Variants in CYP1B1 observed in about 807,000 individuals in gnomAD.
CYP1B1 encodes cytochrome P450 family 1 subfamily B member 1.
In CYP1B1, 22 loss-of-function variants were observed where a neutral mutation model predicts 29.9. The observed-to-expected ratio is 0.74, with a 90% confidence interval of 0.53 to 1.05. CYP1B1 has a LOEUF of 1.05. Ranked by LOEUF, CYP1B1 falls within the 50% of genes least tolerant of loss-of-function variation. The pLI, the probability that CYP1B1 is intolerant of heterozygous loss-of-function variation, is 0.00. For synonymous variants in CYP1B1, 375 were observed against 320.0 expected, an observed-to-expected ratio of 1.17 and a Z score of -1.83; for missense variants, 883 against 746.9, an observed-to-expected ratio of 1.18 and a Z score of -2.12.
intron 2 of CYP1B1, 165 bp downstream of exon 2, chr2:38,074,181 C>A (rs936679466): frequency 1.3e-5 from 10 of 755,888 alleles, no homozygotes; most frequent in Non-Finnish European, 1.9e-5. Flanking sequence ...CGTGTCGCAG[C>A]CCTCACTGTG....
At position 38,075,030 on chromosome 2, in the gene CYP1B1, A is replaced by G; in HGVS notation, c.359T>C (p.Phe120Ser). The change falls in exon 2 of 3, where the codon TTC (phenylalanine) becomes TCC (serine). Residue 120 changes from phenylalanine to serine, a missense_variant. Physicochemically the swap from Phe to Ser is radical, Grantham distance 155 (BLOSUM62 -2). Transcript: ENST00000610745. ...GCCGGACACCACACGGAAGGAGGCG[A>G]AGGCCGGCCGGTCGGCGAAGGCCGA... is the stretch of plus-strand genomic sequence containing the variant. ...QGSAFADRPA[F>S]ASFRVVSGGR... is the part of the protein sequence containing the mutation. 6.3e-7 allele frequency: 1 copy of G among 1,591,344 alleles called. No homozygotes were observed. The highest frequency in any genetic ancestry group is 8.5e-7 in the Non-Finnish European group (1 of 1,176,778).
At position 38,070,891 on chromosome 2, in the gene CYP1B1, G is replaced by C; in HGVS notation, c.1463C>G (p.Ala488Gly). The change falls in exon 3 of 3, where the codon GCT (alanine) becomes GGT (glycine). Residue 488 changes from alanine (A) to glycine (G), a missense_variant. By Grantham distance (60) the Ala-to-Gly change is moderately conservative. Coordinates refer to ENST00000610745, the MANE Select transcript of CYP1B1 (RefSeq NM_000104.4). ...GTTGGCCCTGAAATCGCACTGGTGA[G>C]CCAGGATGGAGATGAAGAGAAAAAG... ...MQLFLFISIL[A>G]HQCDFRANPN... is the part of the protein sequence containing the mutation. 6.2e-7 allele frequency: 1 copy of C among 1,614,112 alleles called. No homozygotes were observed. The highest frequency in any genetic ancestry group is 1.1e-5 in the South Asian group (1 of 91,086).
chr2:38,074,850 A>C lies in CYP1B1; in HGVS notation c.539T>G (p.Leu180Arg). 1 of 1,563,422 alleles carries C rather than the reference A, an allele frequency of 6.4e-7. No homozygotes were observed. Among genetic ancestry groups the C allele is most frequent in the Non-Finnish European group, 8.7e-7 (1 of 1,154,878 alleles). Residue 180 changes from leucine to arginine, a missense_variant, in exon 2 of 3, where the codon CTG (leucine) becomes CGG (arginine). Physicochemically the swap from Leu to Arg is moderately radical, Grantham distance 102. Transcript: ENST00000610745. ...GCCGTCCGCGCTGCCGCGCACCAGC[A>C]GCGCCACCAGCTCGCGCGCCTCGCT... ...VLSEARELVALLVRGSADGAF... is the reference protein window; with the variant it reads ...VLSEARELVARLVRGSADGAF...
Position 38,067,588 on chromosome 2 carries a change from C to T in CYP1B1, c.*3134G>A, listed in dbSNP as rs763249800. On this transcript the variant is annotated 3_prime_UTR_variant, in exon 3 of 3. Transcript: ENST00000610745. Reference sequence around the variant, plus strand: ...ATACATTAGACTATATTTGCTACAACATAAAACTTCATAACAAGATTATGA... The same window carrying T: ...ATACATTAGACTATATTTGCTACAATATAAAACTTCATAACAAGATTATGA... 7.0e-5 allele frequency: 12 copies of T among 172,594 alleles called. No homozygotes were observed. The highest frequency in any genetic ancestry group is 8.8e-5 in the Non-Finnish European group (7 of 79,610). The allele number at this position is 172,594 out of a possible 1,614,324, so 10.7% of individuals were successfully genotyped here.
At position 38,075,141 on chromosome 2, in the gene CYP1B1, TC is replaced by T; in HGVS notation, c.247del (p.Asp83ThrfsTer12). Reference protein sequence around the residue: ...SFARLARRYGDVFQIRLGSCP... With the variant: ...SFARLARRYGXVFQIRLGSCP... ...GCTGCCCAGGCGGATCTGGAAAACG[TC>T]GCCGTAGCGCCGCGCCAGGCGAGCG... On this transcript the variant is annotated frameshift_variant, in exon 2 of 3. Transcript: ENST00000610745. LOFTEE classifies it high-confidence loss of function. The T allele has an allele frequency of 6.3e-7, 1 of 1,575,686 alleles. No individual in the cohort carries two copies. The highest frequency in any genetic ancestry group is 1.1e-5 in the South Asian group (1 of 88,282).
In CYP1B1 at chr2:38,075,358, A is replaced by C; in HGVS notation, c.31T>G (p.Trp11Gly). The C allele has an allele frequency of 6.2e-7, 1 of 1,613,212 alleles. No individual in the cohort carries two copies. The highest frequency in any genetic ancestry group is 8.5e-7 in the Non-Finnish European group (1 of 1,179,984). ...TGGATGGACAGCGGGTTTAGCGGCC[A>C]AGGGTCGTTCGGGCTGAGGCTGGTG... MGTSLSPNDP[W>G]PLNPLSIQQT... Residue 11 changes from tryptophan to glycine, a missense_variant, in exon 2 of 3, where the codon TGG (tryptophan) becomes GGG (glycine). By Grantham distance (184) the Trp-to-Gly change is radical (BLOSUM62 -2). Transcript: ENST00000610745.
Position 38,074,714 on chromosome 2 carries a change from G to T in CYP1B1, c.675C>A (p.Leu225=), listed in dbSNP as rs2125316098. ...SHDDPEFREL[L]SHNEEFGRTV... Reference sequence around the variant, plus strand: ...TGCGCCCGAACTCTTCGTTGTGGCTGAGCAGCTCACGGAACTCGGGGTCGT... The same window carrying T: ...TGCGCCCGAACTCTTCGTTGTGGCTTAGCAGCTCACGGAACTCGGGGTCGT... Residue 225 remains leucine (L), a synonymous_variant, in exon 2 of 3, where the codon CTC becomes CTA. Coordinates refer to ENST00000610745, the MANE Select transcript of CYP1B1 (RefSeq NM_000104.4). The T allele has an allele frequency of 6.2e-7, 1 of 1,611,180 alleles. No homozygotes were observed.
intron 2 of CYP1B1, among the ~76,000 whole-genome samples, chr2:38,072,728 T>G (rs1682454776): frequency 1.3e-5 from 2 of 152,226 alleles, no homozygotes; most frequent in Non-Finnish European, 2.9e-5. Context: ...TTTTAGACTT[T>G]GTGGACCAAA....
At position 38,070,777 on chromosome 2, in the gene CYP1B1, A is replaced by G. The variant is rs764153937; in HGVS notation, c.1577T>C (p.Met526Thr). ...TTGGACAGCACTATCAAGGAGCTCC[A>G]TGGACTCTCTGAGAGTGACATTGAC... ...FKVNVTLRES[M>T]ELLDSAVQNL... The change falls in exon 3 of 3, where the codon ATG (methionine) becomes ACG (threonine). Residue 526 changes from methionine to threonine, a missense_variant. Met to Thr is a moderately conservative substitution (Grantham distance 81, BLOSUM62 -1). Transcript: ENST00000610745. The G allele has an allele frequency of 3.1e-6, 5 of 1,614,220 alleles. No individual in the cohort carries two copies. The highest frequency in any genetic ancestry group is 4.2e-6 in the Non-Finnish European group (5 of 1,180,026).
At position 38,074,381 on chromosome 2, in the gene CYP1B1, G is replaced by A. The variant is rs766501128; in HGVS notation, c.1008C>T (p.Ser336=). The A allele has an allele frequency of 1.9e-6, 3 of 1,613,540 alleles. No homozygotes were observed. The highest frequency in any genetic ancestry group is 1.3e-5 in the African/African-American group (1 of 74,960). ...GGAGGAGCAGCCACTGCAGCGCGGTGGACAGGGTGTCCTGGCTGGCGCCGA... is the reference window on the plus strand; with the variant it reads ...GGAGGAGCAGCCACTGCAGCGCGGTAGACAGGGTGTCCTGGCTGGCGCCGA... ...DIFGASQDTL[S]TALQWLLLLF... The change falls in exon 2 of 3, where the codon TCC becomes TCT. Residue 336 remains serine (S), a synonymous_variant. Transcript: ENST00000610745.
intron 2 of CYP1B1, 128 bp downstream of exon 2, chr2:38,074,218 T>A (rs1682481557): frequency 9.5e-7 from 1 of 1,049,046 alleles, no homozygotes; most frequent in Non-Finnish European, 1.4e-6. Context: ...CGATCTTGGT[T>A]TTGAGGGGTG....
In CYP1B1 at chr2:38,075,019, G is replaced by A. The variant is rs1682504532; in HGVS notation, c.370C>T (p.Arg124Cys). 5.0e-6 allele frequency: 8 copies of A among 1,592,056 alleles called. No individual in the cohort carries two copies. The highest frequency in any genetic ancestry group is 6.8e-6 in the Non-Finnish European group (8 of 1,177,112). The change falls in exon 2 of 3, where the codon CGT becomes TGT. Residue 124 changes from arginine to cysteine, a missense_variant. By Grantham distance (180) the Arg-to-Cys change is radical. Transcript: ENST00000610745. ...FADRPAFASF[R>C]VVSGGRSMAF... ...ATGCTGCGGCCGCCGGACACCACAC[G>A]GAAGGAGGCGAAGGCCGGCCGGTCG...
Position 38,068,980 on chromosome 2 carries a change from A to T in CYP1B1, c.*1742T>A. 1 of 228,602 alleles carries T rather than the reference A, an allele frequency of 4.4e-6. No homozygotes were observed. The highest frequency in any genetic ancestry group is 2.2e-5 in the African/African-American group (1 of 45,232). 14.2% of individuals were successfully genotyped at this position (228,602 alleles called of 1,614,324 possible). ...CCTTTTTTAAAATTTTGGTACAAAG[A>T]TTCCAAAAAGCTTAATAAAATGTAA... is the stretch of plus-strand genomic sequence containing the variant. On this transcript the variant is annotated 3_prime_UTR_variant, in exon 3 of 3. Coordinates refer to ENST00000610745, the MANE Select transcript of CYP1B1 (RefSeq NM_000104.4).
rs1158613221 is a variant in CYP1B1, at chr2:38,074,923, A to T, written c.466T>A (p.Phe156Ile). 6.4e-7 allele frequency: 1 copy of T among 1,560,774 alleles called. No homozygotes were observed. Among genetic ancestry groups the T allele is most frequent in the East Asian group, 2.4e-5 (1 of 42,170 alleles). ...TGGCGGCTGCGCGGCTGGCGCGTGA[A>T]GAAGTTGCGCATCATGCTGTGGGCT... ...RAAHSMMRNFFTRQPRSRQVL... is the reference protein window; with the variant it reads ...RAAHSMMRNFITRQPRSRQVL... The change falls in exon 2 of 3, where the codon TTC becomes ATC. Residue 156 changes from phenylalanine to isoleucine, a missense_variant. Physicochemically the swap from Phe to Ile is conservative, Grantham distance 21 (BLOSUM62 0). Transcript: ENST00000610745.
rs1001337556 is a variant in CYP1B1, at chr2:38,069,332, G to A, written c.*1390C>T. ...TTCTGTCCCCAACTCTTGTCACCTC[G>A]TAAAAAGAACATCCAGGTAATTCAT... On this transcript the variant is annotated 3_prime_UTR_variant, in exon 3 of 3. Transcript: ENST00000610745. 2 of 218,584 alleles carry A rather than the reference G, an allele frequency of 9.1e-6. No homozygotes were observed. The highest frequency in any genetic ancestry group is 2.2e-5 in the African/African-American group (1 of 44,534). 13.5% of individuals were successfully genotyped at this position (218,584 alleles called of 1,614,324 possible).
Position 38,069,819 on chromosome 2 carries a change from A to G in CYP1B1, c.*903T>C, listed in dbSNP as rs763178891. ...TATACTGCTTACGGACAGTTAAGTA[A>G]TATATTTCACACTATTTGGTGACTT... On this transcript the variant is annotated 3_prime_UTR_variant, in exon 3 of 3. Coordinates refer to ENST00000610745, the MANE Select transcript of CYP1B1 (RefSeq NM_000104.4). 1.0e-5 allele frequency: 2 copies of G among 196,116 alleles called. No individual in the cohort carries two copies. The highest frequency in any genetic ancestry group is 2.1e-5 in the Non-Finnish European group (2 of 94,466). 12.1% of individuals were successfully genotyped at this position (196,116 alleles called of 1,614,324 possible).
chr2:38,070,465 T>C lies in CYP1B1; in HGVS notation c.*257A>G. On this transcript the variant is annotated 3_prime_UTR_variant, in exon 3 of 3. Transcript: ENST00000610745. ...ATGCTACCTTCAGAAATAACCAAGATGCAGTATGTATATAATAATTCATTG... is the reference window on the plus strand; with the variant it reads ...ATGCTACCTTCAGAAATAACCAAGACGCAGTATGTATATAATAATTCATTG... The C allele has an allele frequency of 1.9e-6, 1 of 516,622 alleles. No homozygotes were observed. 32.0% of individuals were successfully genotyped at this position (516,622 alleles called of 1,614,324 possible).
At chr2:38,075,452 G>A (rs1682521107) in intron 1 of CYP1B1, 63 bp from the exon 2 acceptor site, 2 of 1,533,414 alleles carry the variant, frequency 1.3e-6, no homozygotes, top group Non-Finnish European at 1.8e-6. Flanking sequence ...GGCGCCCCAC[G>A]CCCCTACCCC....
At position 38,074,835 on chromosome 2, in the gene CYP1B1, C is replaced by T. The variant is rs1682499247; in HGVS notation, c.554G>A (p.Ser185Asn). The T allele has an allele frequency of 7.0e-6, 11 of 1,565,416 alleles. No individual in the cohort carries two copies. Among genetic ancestry groups the T allele is most frequent in the Non-Finnish European group, 8.7e-6 (10 of 1,155,788 alleles). ...RELVALLVRG[S>N]ADGAFLDPRP... Reference sequence around the variant, plus strand: ...CGGGTCGAGGAAGGCGCCGTCCGCGCTGCCGCGCACCAGCAGCGCCACCAG... The same window carrying T: ...CGGGTCGAGGAAGGCGCCGTCCGCGTTGCCGCGCACCAGCAGCGCCACCAG... Residue 185 changes from serine (S) to asparagine (N), a missense_variant, in exon 2 of 3, where the codon AGC becomes AAC. By Grantham distance (46) the Ser-to-Asn change is conservative. Transcript: ENST00000610745.
Sources: allele counts gnomAD v4.1 joint callset (sites outside exome capture counted in the v4.1 genomes callset), GRCh38; gene constraint gnomAD v4.1.1; transcripts MANE v1.5; gene names NCBI Gene and HGNC (gene_info 2026-07-23, HGNC 2026-07-21).